Variants in DCDC1 observed in about 807,000 individuals in gnomAD.
DCDC1 encodes doublecortin domain-containing protein 1.
DCDC1 carries 200 observed loss-of-function variants against 178.3 expected under a neutral mutation model. The ratio of observed to expected loss-of-function variants is 1.12; its 90% CI spans 1.00 to 1.26. The LOEUF is 1.26. DCDC1 is among the 50% of genes most tolerant of loss of function. The pLI is 0.00. For missense variants in DCDC1, 1,983 were observed against 1,749.2 expected, an observed-to-expected ratio of 1.13 and a Z score of -2.38; for synonymous variants, 690 against 604.8, an observed-to-expected ratio of 1.14 and a Z score of -2.07.
intron 9 of DCDC1, among the ~76,000 whole-genome samples, chr11:31,238,614 C>T (rs916797367): frequency 6.6e-6 from 1 of 152,074 alleles, no homozygotes; most frequent in Non-Finnish European, 1.5e-5. Flanking sequence ...CCCCCACCAA[C>T]AGCACCACTA....
chr11:31,361,457 G>A (rs546856256), intron 1 of DCDC1, among the ~76,000 whole-genome samples: 7 of 152,086 alleles, frequency 4.6e-5, no homozygotes, highest in Admixed American at 1.3e-4. Flanking sequence ...ACTAATTTAC[G>A]TTAGTAAAAT....
At chr11:30,894,829 TAACCCAAGAGACAGGA>T (rs1944075511) in intron 34 of DCDC1, among the ~76,000 whole-genome samples, 1 of 152,186 alleles carries the variant, frequency 6.6e-6, no homozygotes, top group Non-Finnish European at 1.5e-5. Context: ...AAAATAATAT[TAACCCAAGAGACAGGA>T]ATTTTTTTTT....
intron 20 of DCDC1, among the ~76,000 whole-genome samples, chr11:31,050,142 G>A (rs1025861376): frequency 1.3e-5 from 2 of 152,116 alleles, no homozygotes; most frequent in Admixed American, 6.5e-5. Context: ...ATCTGCAAAC[G>A]GACTCAGGGC....
intron 20 of DCDC1, among the ~76,000 whole-genome samples, chr11:31,021,461 A>G (rs993922983): frequency 1.4e-4 from 22 of 152,312 alleles, no homozygotes; most frequent in African/African-American, 5.3e-4. Flanking sequence ...TGTTAAGTGA[A>G]AAAAAGTGAG....
At chr11:31,152,127 A>G (rs1256334838) in intron 9 of DCDC1, among the ~76,000 whole-genome samples, 1 of 152,144 alleles carries the variant, frequency 6.6e-6, no homozygotes, top group African/African-American at 2.4e-5. Flanking sequence ...AACCTGGTTC[A>G]ATTTTTTCAT....
chr11:31,213,875 GAAGT>G (rs1176451243), intron 9 of DCDC1, among the ~76,000 whole-genome samples: 2 of 77,788 alleles, frequency 2.6e-5, no homozygotes, highest in African/African-American at 6.0e-5. Context: ...TAGAGAAAAA[GAAGT>G]ATTTATTTAT....
At position 31,146,843 on chromosome 11, in the gene DCDC1, A is replaced by G. The variant is rs1964508089; in HGVS notation, c.1222-9059T>C. ...AGTATGCCAATATCCTGGGACAAAC[A>G]TCCCAGCTTAACTCTCAGTTACTTC... On this transcript the variant is annotated intron_variant, in intron 9 of 38. Transcript: ENST00000684477. Among the ~76,000 whole-genome samples the G allele has an allele frequency of 2.0e-5, 3 of 152,138 alleles. No individual in the cohort carries two copies. The South Asian group carries it at 6.2e-4, about 32-fold the overall frequency.
At chr11:31,093,102 T>C (rs1187366233) in intron 16 of DCDC1, among the ~76,000 whole-genome samples, 1 of 152,110 alleles carries the variant, frequency 6.6e-6, no homozygotes, top group Non-Finnish European at 1.5e-5. Flanking sequence ...AGAAACAAAA[T>C]ACCATGTAAA....
At chr11:31,270,702 C>T (rs914078843) in intron 7 of DCDC1, among the ~76,000 whole-genome samples, 13 of 152,186 alleles carry the variant, frequency 8.5e-5, no homozygotes, top group African/African-American at 2.9e-4. Flanking sequence ...TGTTACAATG[C>T]TATTTCAAGA....
chr11:31,076,480 C>T (rs904779575), intron 18 of DCDC1, among the ~76,000 whole-genome samples: 2 of 152,110 alleles, frequency 1.3e-5, no homozygotes, highest in African/African-American at 4.8e-5. Flanking sequence ...TTCTGAGTAG[C>T]TGGGATCACA....
At chr11:31,294,858 GAAAGAAAGAA>G (rs1565567430) in intron 6 of DCDC1, among the ~76,000 whole-genome samples, 26 of 118,994 alleles carry the variant, frequency 2.2e-4, no homozygotes, top group Middle Eastern at 4.7e-3. Context: ...AAGAAAGAAA[GAAAGAAAGAA>G]AAAGAAAACA....
intron 38 of DCDC1, among the ~76,000 whole-genome samples, chr11:30,868,781 A>G (rs895463373): frequency 6.6e-6 from 1 of 152,192 alleles, no homozygotes; most frequent in African/African-American, 2.4e-5. Flanking sequence ...AATTATTACT[A>G]TTTCAGACAA....
At chr11:31,016,186 G>T (rs932120574) in intron 20 of DCDC1, among the ~76,000 whole-genome samples, 1 of 152,144 alleles carries the variant, frequency 6.6e-6, no homozygotes, top group Non-Finnish European at 1.5e-5. Flanking sequence ...TAGTAATAAT[G>T]ATTAAATGAG....
intron 1 of DCDC1, among the ~76,000 whole-genome samples, chr11:31,353,641 T>C (rs1411410572): frequency 6.6e-6 from 1 of 152,202 alleles, no homozygotes; most frequent in Admixed American, 6.5e-5. Context: ...AACGCCTTAT[T>C]CTTAAGGATA....
chr11:31,106,639 C>T (rs978792592), intron 13 of DCDC1, among the ~76,000 whole-genome samples, 158 bp downstream of exon 13: 1 of 152,186 alleles, frequency 6.6e-6, no homozygotes, highest in African/African-American at 2.4e-5. Flanking sequence ...TGTCATATTC[C>T]ACCAACAATA....
intron 17 of DCDC1, 28 bp from the exon 18 acceptor site, chr11:31,077,953 G>A (rs1416664294): frequency 6.5e-6 from 5 of 764,428 alleles, no homozygotes; most frequent in Non-Finnish European, 1.2e-5. Context: ...TTTAGAGATT[G>A]ACATCTTCTC....
chr11:30,871,727 T>C (rs1333357125), intron 38 of DCDC1, among the ~76,000 whole-genome samples: 1 of 152,096 alleles, frequency 6.6e-6, no homozygotes, highest in Non-Finnish European at 1.5e-5. Context: ...TCAAACCCAC[T>C]TGTTTCGCCT....
intron 9 of DCDC1, among the ~76,000 whole-genome samples, chr11:31,174,429 G>A (rs989147366): frequency 2.0e-5 from 3 of 152,216 alleles, no homozygotes; most frequent in South Asian, 4.1e-4. Flanking sequence ...GGAGGCCAAG[G>A]GGGGTGCTGA....
chr11:30,965,207 A>G (rs1421659341), intron 20 of DCDC1, among the ~76,000 whole-genome samples: 1 of 152,214 alleles, frequency 6.6e-6, no homozygotes, highest in Non-Finnish European at 1.5e-5. Flanking sequence ...CTTAAACTCA[A>G]GAATAGGCAG....
Sources: gnomAD v4.1 joint callset for allele counts (sites outside exome capture counted in the v4.1 genomes callset) on GRCh38, gnomAD v4.1.1 for gene constraint, MANE v1.5 for transcripts, NCBI Gene and HGNC (gene_info 2026-07-23, HGNC 2026-07-21) for gene names.